The following KIF13A variants were observed in gnomAD, a reference collection of about 807,000 sequenced individuals.
KIF13A encodes kinesin family member 13A.
A neutral mutation model predicts 212.2 loss-of-function variants in KIF13A; 79 were observed. That is an observed-to-expected ratio of 0.37 (90% confidence interval 0.31 to 0.45). The LOEUF (loss-of-function observed/expected upper bound fraction) is 0.45, where lower values mean the gene tolerates loss of function less well. Ranked by LOEUF, KIF13A falls within the 20% of genes least tolerant of loss-of-function variation. KIF13A has a pLI of 1.00. For synonymous variants in KIF13A, 789 were observed against 808.6 expected (o/e 0.98, Z 0.41); for missense variants, 1,901 against 2,209.0 (o/e 0.86, Z 2.79).
intron 38 of KIF13A, among the ~76,000 whole-genome samples, chr6:17,765,925 C>T (rs1758910236): frequency 6.6e-6 from 1 of 152,172 alleles, no homozygotes; most frequent in South Asian, 2.1e-4. Context: ...CAGCCATTGT[C>T]CTAAGGACTT....
At chr6:17,813,596 TTTAACA>T (rs1386510075) in intron 17 of KIF13A, among the ~76,000 whole-genome samples, 4 of 151,998 alleles carry the variant, frequency 2.6e-5, no homozygotes, top group African/African-American at 4.8e-5. Flanking sequence ...CTTCTCTTCA[TTTAACA>T]TTAACAAGTG....
Position 17,816,253 on chromosome 6 carries a change from G to A in KIF13A, c.2000+767C>T, listed in dbSNP as rs1763940761. Among the ~76,000 whole-genome samples the A allele has an allele frequency of 6.6e-6, 1 of 151,922 alleles. No individual in the cohort carries two copies. Among genetic ancestry groups the A allele is most frequent in the Admixed American group, 6.6e-5 (1 of 15,242 alleles). On this transcript the variant is annotated intron_variant, in intron 17 of 38. Transcript: ENST00000259711. This position sits in a 1 kb window ranked among gnomAD's most constrained non-coding sequence, Gnocchi z 4.3. ...CAGGTTCTTCCTGTCACCCAGGCTG[G>A]AGTGTGGTGGCATGATCGCAGCTCA...
chr6:17,805,415 A>G (rs1046616276), intron 19 of KIF13A, 60 bp downstream of exon 19: 2 of 1,225,860 alleles, frequency 1.6e-6, no homozygotes, highest in Non-Finnish European at 2.3e-6. Context: ...GTGTTGCTAA[A>G]TCGCTTATAT....
At chr6:17,845,880 C>T (rs529786185) in intron 9 of KIF13A, among the ~76,000 whole-genome samples, 4 of 152,260 alleles carry the variant, frequency 2.6e-5, no homozygotes, top group African/African-American at 9.6e-5. Context: ...ACATGAAGTT[C>T]CTAAATCCAC....
At chr6:17,803,924 G>A (rs866963494) in intron 20 of KIF13A, among the ~76,000 whole-genome samples, 2 of 152,136 alleles carry the variant, frequency 1.3e-5, no homozygotes, top group Admixed American at 6.5e-5. Flanking sequence ...AAGCCGAGGC[G>A]GGCGGATCAC....
rs1401101098 is a variant in KIF13A, at chr6:17,786,555, A to G, written c.3362-914T>C. On this transcript the variant is annotated intron_variant, in intron 27 of 38. Coordinates refer to ENST00000259711, the MANE Select transcript of KIF13A (RefSeq NM_022113.6). This position sits in a 1 kb window ranked among gnomAD's most constrained non-coding sequence, Gnocchi z 5.4. ...GAGGAGGTTGCAGTGGGCCAAGATCATGCCACTGCACTCCAGCCTGGGCGA... is the reference window on the plus strand; with the variant it reads ...GAGGAGGTTGCAGTGGGCCAAGATCGTGCCACTGCACTCCAGCCTGGGCGA... Among the ~76,000 whole-genome samples, 1 of 152,128 alleles carries G rather than the reference A, an allele frequency of 6.6e-6. No individual in the cohort carries two copies.
rs947541186 is a variant in KIF13A at position 17,785,020 on chromosome 6, A to G, written c.3488+495T>C. ...ATGCCCTGGATATGTTATAATAAAA[A>G]TGAGAATGAGAATAAGCAGCAGCAG... On this transcript the variant is annotated intron_variant, in intron 28 of 38. Transcript: ENST00000259711. The surrounding 1 kb of genome is among the most constrained non-coding windows in gnomAD (Gnocchi z 5.8). Among the ~76,000 whole-genome samples the G allele has an allele frequency of 2.6e-5, 4 of 152,228 alleles. No homozygotes were observed. The highest frequency in any genetic ancestry group is 6.5e-5 in the Admixed American group (1 of 15,286).
chr6:17,830,796 A>G (rs1765379582), intron 13 of KIF13A, among the ~76,000 whole-genome samples: 2 of 152,146 alleles, frequency 1.3e-5, no homozygotes, highest in African/African-American at 4.8e-5. Context: ...TATTCCCAGA[A>G]TCCTCACCAT....
intron 2 of KIF13A, among the ~76,000 whole-genome samples, chr6:17,973,009 G>A (rs1779954625): frequency 6.6e-6 from 1 of 152,178 alleles, no homozygotes; most frequent in Non-Finnish European, 1.5e-5. Flanking sequence ...GGGGAAGAGG[G>A]CATAAACCAG....
In KIF13A at chr6:17,956,098, C is replaced by T. The variant is rs950623279; in HGVS notation, c.146+30956G>A. Among the ~76,000 whole-genome samples, 14 of 152,266 alleles carry T rather than the reference C, an allele frequency of 9.2e-5. No individual in the cohort carries two copies. The East Asian group carries it at 1.2e-3, about 13-fold the overall frequency. ...GACTTAGGTTCACAGTGCCAGGCTC[C>T]GTTCTAAGGACTCATCAAGTGGTAG... is the stretch of plus-strand genomic sequence containing the variant. On this transcript the variant is annotated intron_variant, in intron 2 of 38. Coordinates refer to ENST00000259711, the MANE Select transcript of KIF13A (RefSeq NM_022113.6).
At chr6:17,792,163 A>G (rs1761631084) in intron 25 of KIF13A, among the ~76,000 whole-genome samples, 1 of 133,096 alleles carries the variant, frequency 7.5e-6, no homozygotes, top group South Asian at 2.6e-4. Flanking sequence ...AGATTGCACC[A>G]TTGCACTCCA....
chr6:17,863,960 G>A (rs1362378558), intron 4 of KIF13A, among the ~76,000 whole-genome samples: 4 of 152,156 alleles, frequency 2.6e-5, no homozygotes. Flanking sequence ...TTCAAACAGT[G>A]CATGGGTGGA....
chr6:17,956,107 G>C (rs1364834172), intron 2 of KIF13A, among the ~76,000 whole-genome samples: 2 of 152,156 alleles, frequency 1.3e-5, no homozygotes, highest in African/African-American at 2.4e-5. Context: ...CCGTTCTAAG[G>C]ACTCATCAAG....
At chr6:17,930,007 C>A (rs1022142343) in intron 2 of KIF13A, among the ~76,000 whole-genome samples, 2 of 152,198 alleles carry the variant, frequency 1.3e-5, no homozygotes, top group African/African-American at 4.8e-5. Context: ...CTCACTGAAC[C>A]TTAAGTCAAA....
At chr6:17,792,545 GT>G (rs1324153749) in intron 25 of KIF13A, among the ~76,000 whole-genome samples, 2 of 152,172 alleles carry the variant, frequency 1.3e-5, no homozygotes, top group Non-Finnish European at 2.9e-5. Flanking sequence ...CCACGTAGAA[GT>G]TGATGGCTAA....
intron 2 of KIF13A, among the ~76,000 whole-genome samples, chr6:17,948,826 A>G (rs1397203436): frequency 6.6e-6 from 1 of 151,944 alleles, no homozygotes; most frequent in African/African-American, 2.4e-5. Flanking sequence ...TCGGCCCCTC[A>G]AAGTGCTAAG....
Position 17,778,895 on chromosome 6 carries a change from T to C in KIF13A, c.4092+52A>G, listed in dbSNP as rs924388183. ...GGTAAGTAAATTCATATCTGTCCATTGGGGGTGAAGGCTGGTGCTTTCATC... is the reference window on the plus strand; with the variant it reads ...GGTAAGTAAATTCATATCTGTCCATCGGGGGTGAAGGCTGGTGCTTTCATC... On this transcript the variant is annotated intron_variant, in intron 33 of 38. Coordinates refer to ENST00000259711, the MANE Select transcript of KIF13A (RefSeq NM_022113.6). The C allele has an allele frequency of 9.3e-5, 143 of 1,542,368 alleles. No homozygotes were observed. In the African/African-American group the frequency reaches 1.7e-3, roughly 19 times the overall value.
intron 2 of KIF13A, among the ~76,000 whole-genome samples, chr6:17,959,316 C>T (rs1017235223): frequency 2.0e-5 from 3 of 152,150 alleles, no homozygotes; most frequent in Non-Finnish European, 2.9e-5. Flanking sequence ...TAGCCATGCC[C>T]ATACAAAGCA....
chr6:17,833,872 AAG>A (rs1214181446), intron 12 of KIF13A, 87 bp downstream of exon 12: 2 of 672,282 alleles, frequency 3.0e-6, no homozygotes, highest in East Asian at 3.2e-5. Flanking sequence ...AAAAAAAAAA[AAG>A]ACTTTCTGAA....
Sources: allele counts gnomAD v4.1 joint callset (sites outside exome capture counted in the v4.1 genomes callset), GRCh38; gene constraint gnomAD v4.1.1; non-coding constraint Gnocchi (gnomAD v3.1); transcripts MANE v1.5; gene names NCBI Gene and HGNC (gene_info 2026-07-23, HGNC 2026-07-21).